The following TMEM181 variants were observed in gnomAD, a reference collection of about 807,000 sequenced individuals.
TMEM181 encodes transmembrane protein 181.
In TMEM181, 39 loss-of-function variants were observed where a neutral mutation model predicts 71.9. The observed-to-expected ratio is 0.54, with a 90% CI of 0.42 to 0.71. TMEM181 has a LOEUF of 0.71. Ranked by LOEUF, TMEM181 falls within the 30% of genes least tolerant of loss-of-function variation. The pLI is 0.00. For synonymous variants in TMEM181, 245 were observed against 228.8 expected, an observed-to-expected ratio of 1.07 and a Z score of -0.64; for missense variants, 595 against 583.0, an observed-to-expected ratio of 1.02 and a Z score of -0.21.
chr6:158,559,578 T>C (rs1475205690), upstream of TMEM181, among the ~76,000 whole-genome samples: 1 of 152,188 alleles, frequency 6.6e-6, no homozygotes, highest in Non-Finnish European at 1.5e-5. Flanking sequence ...GGTCCACTGG[T>C]CTAGCTGCAG....
chr6:158,608,567 T>C, intron 9 of TMEM181, 92 bp from the exon 10 acceptor site: 1 of 1,601,992 alleles, frequency 6.2e-7, no homozygotes, highest in South Asian at 1.1e-5. Flanking sequence ...TGGAAGCCTG[T>C]CTGCAGGCCC....
chr6:158,553,166 C>T (rs1781769325), intron 1 of TMEM181, among the ~76,000 whole-genome samples: 1 of 145,394 alleles, frequency 6.9e-6, no homozygotes, highest in Non-Finnish European at 1.5e-5. Context: ...CCAGCCTGGG[C>T]GACAGAGAGG....
chr6:158,625,464 T>C (rs1786221734), intron 12 of TMEM181, among the ~76,000 whole-genome samples: 1 of 152,128 alleles, frequency 6.6e-6, no homozygotes, highest in Admixed American at 6.5e-5. Context: ...CACCCTGAGC[T>C]TGCGGGATCC....
Position 158,583,976 on chromosome 6 carries a change from C to A in TMEM181, c.191C>A (p.Ser64Ter). 6.2e-7 allele frequency: 1 copy of A among 1,606,322 alleles called. No individual in the cohort carries two copies. Among genetic ancestry groups the A allele is most frequent in the Non-Finnish European group, 8.5e-7 (1 of 1,176,210 alleles). Residue 64 changes from serine (S) to a stop codon, truncating the protein, a stop_gained, in exon 4 of 17, where the codon TCA becomes TAA. Transcript: ENST00000684151. LOFTEE classifies it high-confidence loss of function. ...CAGCTAAAGCCAATTCAAATACTTTCAAATCCACTGTCTACATACAATCAG... is the reference window on the plus strand; with the variant it reads ...CAGCTAAAGCCAATTCAAATACTTTAAAATCCACTGTCTACATACAATCAG... ...SKKLKPIQILSNPLSTYNQQL... is the reference protein window; with the variant it reads ...SKKLKPIQIL
At chr6:158,546,939 G>A (rs758129869) in intron 1 of TMEM181, among the ~76,000 whole-genome samples, 5 of 150,872 alleles carry the variant, frequency 3.3e-5, no homozygotes, top group Non-Finnish European at 5.9e-5. Context: ...CAGCCTGGGC[G>A]ACACAGCGAG....
intron 1 of TMEM181, among the ~76,000 whole-genome samples, chr6:158,573,058 G>A (rs188276467): frequency 6.2e-4 from 95 of 152,244 alleles, no homozygotes; most frequent in Admixed American, 2.1e-3. Context: ...GTATGTGTGT[G>A]CATGAGATGA....
chr6:158,589,826 A>G lies in TMEM181; in HGVS notation c.492+44A>G, dbSNP rs1372096134. On this transcript the variant is annotated intron_variant, in intron 6 of 16. Coordinates refer to ENST00000684151, the MANE Select transcript of TMEM181 (RefSeq NM_001376852.1). ...TGCACGTTTCCATGGCTCATGTTCT[A>G]GTTCCCATTCTTTGTTCAATGATTG... is the stretch of plus-strand genomic sequence containing the variant. 5.2e-6 allele frequency: 7 copies of G among 1,336,372 alleles called. No individual in the cohort carries two copies. The East Asian group carries it at 6.9e-5, about 13-fold the overall frequency. The allele number at this position is 1,336,372 out of a possible 1,614,324, so 82.8% of individuals were successfully genotyped here.
chr6:158,573,551 C>A, intron 2 of TMEM181, 28 bp downstream of exon 2: 1 of 1,563,392 alleles, frequency 6.4e-7, no homozygotes, highest in Non-Finnish European at 8.7e-7. Flanking sequence ...CTCATTGAAT[C>A]TTTTGCCATG....
intron 10 of TMEM181, among the ~76,000 whole-genome samples, chr6:158,615,085 C>G (rs193295059): frequency 1.1e-3 from 173 of 152,284 alleles, no homozygotes; most frequent in African/African-American, 3.9e-3. Flanking sequence ...AACGGTTGAA[C>G]TAGTTTACAC....
chr6:158,583,770 A>C (rs1783606702), intron 3 of TMEM181, among the ~76,000 whole-genome samples, 184 bp from the exon 4 acceptor site: 1 of 152,222 alleles, frequency 6.6e-6, no homozygotes, highest in Non-Finnish European at 1.5e-5. Flanking sequence ...ACTGCACTCT[A>C]GCCTAGGCGA....
intron 8 of TMEM181, among the ~76,000 whole-genome samples, chr6:158,608,002 T>C (rs1418791001): frequency 2.0e-5 from 3 of 152,234 alleles, no homozygotes; most frequent in Non-Finnish European, 4.4e-5. Context: ...CTGATGGCAG[T>C]GGCATACGGC....
chr6:158,631,769 T>C (rs1786677355), intron 16 of TMEM181, 41 bp from the exon 17 acceptor site: 2 of 1,551,880 alleles, frequency 1.3e-6, no homozygotes, highest in Non-Finnish European at 1.8e-6. Flanking sequence ...AATAAAGAGC[T>C]GTCAGAAGTT....
chr6:158,577,011 G>A (rs918905234), intron 2 of TMEM181, among the ~76,000 whole-genome samples: 1 of 145,102 alleles, frequency 6.9e-6, no homozygotes, highest in Non-Finnish European at 1.5e-5. Flanking sequence ...GCAGTGAGCC[G>A]AGATTGCGCC....
chr6:158,562,415 CAT>C (rs1385954362), intron 1 of TMEM181, among the ~76,000 whole-genome samples: 1 of 150,824 alleles, frequency 6.6e-6, no homozygotes, highest in Non-Finnish European at 1.5e-5. Flanking sequence ...CTTACTTTAG[CAT>C]TTCTCTGCAA....
chr6:158,559,286 T>C (rs1379990720), upstream of TMEM181, among the ~76,000 whole-genome samples: 1 of 152,214 alleles, frequency 6.6e-6, no homozygotes, highest in Non-Finnish European at 1.5e-5. Flanking sequence ...GTAATTTCAC[T>C]GAGGGCAGGA....
intron 10 of TMEM181, among the ~76,000 whole-genome samples, chr6:158,616,732 A>G (rs1444946641): frequency 6.6e-6 from 1 of 152,178 alleles, no homozygotes; most frequent in Admixed American, 6.5e-5. Context: ...TTCTGCATCT[A>G]TTGAGATAAT....
At chr6:158,585,263 G>C in intron 4 of TMEM181, 41 bp from the exon 5 acceptor site, 1 of 1,544,766 alleles carries the variant, frequency 6.5e-7, no homozygotes, top group Non-Finnish European at 8.7e-7. Flanking sequence ...GGTGTGATGT[G>C]CCTGGCATGG....
At chr6:158,594,250 C>A (rs9355247) in intron 6 of TMEM181, among the ~76,000 whole-genome samples, 3 of 151,478 alleles carry the variant, frequency 2.0e-5, no homozygotes, top group Non-Finnish European at 4.4e-5. Flanking sequence ...AGGTGCGCAC[C>A]ACTATGCGTG....
intron 1 of TMEM181, among the ~76,000 whole-genome samples, chr6:158,546,234 G>A (rs780748436): frequency 5.3e-5 from 8 of 152,096 alleles, no homozygotes; most frequent in African/African-American, 1.2e-4. Flanking sequence ...TTCTGCAAGC[G>A]GAAATGCAAA....
Sources: gnomAD v4.1 joint callset for allele counts (sites outside exome capture counted in the v4.1 genomes callset) on GRCh38, gnomAD v4.1.1 for gene constraint, MANE v1.5 for transcripts, NCBI Gene and HGNC (gene_info 2026-07-23, HGNC 2026-07-21) for gene names.